USP31: variants seen among roughly 807,000 people sequenced by gnomAD.
USP31 encodes ubiquitin carboxyl-terminal hydrolase 31.
In USP31, 44 loss-of-function variants were observed where a neutral mutation model predicts 119.4. That is an observed-to-expected ratio of 0.37 (90% CI 0.29 to 0.47). The LOEUF is 0.47. Ranked by LOEUF, USP31 falls within the 20% of genes least tolerant of loss-of-function variation. USP31 has a pLI of 0.99. For synonymous variants in USP31, 749 were observed against 705.6 expected, an observed-to-expected ratio of 1.06 and a Z score of -0.97; for missense variants, 1,643 against 1,730.2, an observed-to-expected ratio of 0.95 and a Z score of 0.89.
At chr16:23,121,556 G>C (rs1343455693) in intron 1 of USP31, among the ~76,000 whole-genome samples, 1 of 152,170 alleles carries the variant, frequency 6.6e-6, no homozygotes, top group Non-Finnish European at 1.5e-5. Flanking sequence ...TGAATATACA[G>C]ACAGCAAACA....
intron 1 of USP31, among the ~76,000 whole-genome samples, chr16:23,148,275 T>C (rs546838021): frequency 6.6e-6 from 1 of 152,246 alleles, no homozygotes; most frequent in South Asian, 2.1e-4. Context: ...CGACGTCACA[T>C]TGCTAGTAAG....
At position 23,080,158 on chromosome 16, in the gene USP31, C is replaced by G. The variant is rs114468071; in HGVS notation, c.1964G>C (p.Arg655Pro). 3.9e-6 allele frequency: 6 copies of G among 1,546,958 alleles called. No individual in the cohort carries two copies. Among genetic ancestry groups the G allele is most frequent in the Non-Finnish European group, 5.2e-6 (6 of 1,150,704 alleles). Residue 655 changes from arginine to proline, a missense_variant, in exon 13 of 16, where the codon CGC (arginine) becomes CCC (proline). Coordinates refer to ENST00000219689, the MANE Select transcript of USP31 (RefSeq NM_020718.4). ...LKRFRQEGDR[R>P]MKLQNMVKFP... is the part of the protein sequence containing the mutation. The stretch of plus-strand genomic sequence containing the variant: ...TTTGACCATGTTCTGAAGTTTCATG[C>G]GCCTGTCTCCTTCCTGTTGCAAGAA...
chr16:23,071,956 TG>T, intron 15 of USP31, 88 bp downstream of exon 15: 1 of 1,516,028 alleles, frequency 6.6e-7, no homozygotes, highest in Non-Finnish European at 8.9e-7. Context: ...ACCATCTCCT[TG>T]GGACTTAGCT....
intron 1 of USP31, among the ~76,000 whole-genome samples, chr16:23,119,184 C>T (rs1211660916): frequency 1.3e-5 from 2 of 151,306 alleles, no homozygotes; most frequent in Admixed American, 6.6e-5. Flanking sequence ...CTGCGACCTC[C>T]GCCTCCCGAG....
chr16:23,114,826 A>G (rs925823412), intron 1 of USP31, among the ~76,000 whole-genome samples: 1 of 152,226 alleles, frequency 6.6e-6, no homozygotes, highest in Non-Finnish European at 1.5e-5. Context: ...AATTTAAGGA[A>G]AAGAAAATCT....
chr16:23,145,351 T>G (rs567979583), intron 1 of USP31, among the ~76,000 whole-genome samples: 15 of 152,292 alleles, frequency 9.8e-5, no homozygotes, highest in African/African-American at 3.6e-4. Flanking sequence ...ATGTGCACAC[T>G]GACGCATGAG....
At chr16:23,076,957 G>A (rs1462844489) in intron 13 of USP31, among the ~76,000 whole-genome samples, 2 of 152,106 alleles carry the variant, frequency 1.3e-5, no homozygotes, top group Non-Finnish European at 2.9e-5. Flanking sequence ...GACTGGTAAT[G>A]CCACAAAAGC....
rs550453634 is a variant in USP31, at chr16:23,102,820, C to A, written c.1090-357G>T. On this transcript the variant is annotated intron_variant, in intron 5 of 15. Coordinates refer to ENST00000219689, the MANE Select transcript of USP31 (RefSeq NM_020718.4). ...TATAGCATAACAACTATTTACATAA[C>A]ATTTACACTGTATTAAATATTGTAA... Among the ~76,000 whole-genome samples, 3 of 152,266 alleles carry A rather than the reference C, an allele frequency of 2.0e-5. No homozygotes were observed. In the East Asian group the frequency reaches 5.8e-4, roughly 29 times the overall value.
At chr16:23,078,315 A>AGC (rs1231006685) in intron 13 of USP31, among the ~76,000 whole-genome samples, 2 of 150,784 alleles carry the variant, frequency 1.3e-5, no homozygotes, top group Admixed American at 6.6e-5. Flanking sequence ...CGTCGCAAAA[A>AGC]AAAAAAAAAA....
intron 3 of USP31, 41 bp from the exon 4 acceptor site, chr16:23,106,346 C>G (rs764182874): frequency 6.2e-7 from 1 of 1,613,264 alleles, no homozygotes; most frequent in African/African-American, 1.3e-5. Flanking sequence ...TTAAAATCAC[C>G]CAGAACGATG....
intron 7 of USP31, among the ~76,000 whole-genome samples, chr16:23,089,695 G>C (rs1018913678): frequency 2.6e-5 from 4 of 152,084 alleles, no homozygotes; most frequent in Non-Finnish European, 4.4e-5. Flanking sequence ...TAATACTCAG[G>C]TTACATTCCT....
At chr16:23,081,515 C>T (rs1900824950) in intron 12 of USP31, among the ~76,000 whole-genome samples, 1 of 152,238 alleles carries the variant, frequency 6.6e-6, no homozygotes, top group South Asian at 2.1e-4. Context: ...TAGCAGCCCA[C>T]CCTGGATGAA....
chr16:23,120,777 T>C (rs1190292498), intron 1 of USP31, among the ~76,000 whole-genome samples: 1 of 152,186 alleles, frequency 6.6e-6, no homozygotes, highest in Non-Finnish European at 1.5e-5. Flanking sequence ...CGCTGAGTGG[T>C]GCTCCTCTCC....
At chr16:23,095,597 T>G (rs1901571543) in intron 6 of USP31, among the ~76,000 whole-genome samples, 1 of 151,744 alleles carries the variant, frequency 6.6e-6, no homozygotes, top group Non-Finnish European at 1.5e-5. Flanking sequence ...GCAGCCAGAG[T>G]GAAAGGTCAG....
chr16:23,105,801 A>G (rs76950916), intron 4 of USP31, among the ~76,000 whole-genome samples: 20 of 152,238 alleles, frequency 1.3e-4, no homozygotes, highest in African/African-American at 4.6e-4. Context: ...TCTATGAAGC[A>G]AACAAAAATA....
chr16:23,088,667 T>C (rs1901221416), intron 7 of USP31, among the ~76,000 whole-genome samples: 2 of 152,338 alleles, frequency 1.3e-5, no homozygotes, highest in East Asian at 1.9e-4. Context: ...TACTCACTCA[T>C]GTGAAGACCC....
chr16:23,081,725 C>T (rs1900836764), intron 12 of USP31, among the ~76,000 whole-genome samples: 1 of 152,232 alleles, frequency 6.6e-6, no homozygotes, highest in African/African-American at 2.4e-5. Flanking sequence ...CATCAACTCC[C>T]GCCACTGCCC....
rs1174931089 is a variant in USP31 at position 23,149,115 on chromosome 16, G to GGGCGAGGAA, written c.147_155dup (p.Pro55_Ser57dup). The GGGCGAGGAA allele has an allele frequency of 4.8e-6, 6 of 1,259,066 alleles. No individual in the cohort carries two copies. Among genetic ancestry groups the GGGCGAGGAA allele is most frequent in the East Asian group, 4.2e-5 (1 of 23,878 alleles). The allele number at this position is 1,259,066 out of a possible 1,614,324, so 78.0% of individuals were successfully genotyped here. Reference sequence around the variant, plus strand: ...CCGAGCGTGCAGAGGAGGGCGAGGAGGGCGAGGAAGGCGCGGCCGGCCCGG... The same window carrying GGGCGAGGAA: ...CCGAGCGTGCAGAGGAGGGCGAGGAGGGCGAGGAAGGCGAGGAAGGCGCGGCCGGCCCGG... On this transcript the variant is annotated inframe_insertion, in exon 1 of 16. Coordinates refer to ENST00000219689, the MANE Select transcript of USP31 (RefSeq NM_020718.4).
intron 12 of USP31, 60 bp downstream of exon 12, chr16:23,082,378 C>T (rs528973949): frequency 2.5e-6 from 4 of 1,602,002 alleles, no homozygotes; most frequent in Admixed American, 3.3e-5. Flanking sequence ...AGCCCATCAG[C>T]AGGGGGCATA....
Sources: allele counts gnomAD v4.1 joint callset (sites outside exome capture counted in the v4.1 genomes callset), GRCh38; gene constraint gnomAD v4.1.1; transcripts MANE v1.5; gene names NCBI Gene and HGNC (gene_info 2026-07-23, HGNC 2026-07-21).